The following GOLGA2 variants were observed in gnomAD, a reference collection of about 807,000 sequenced individuals.
GOLGA2 encodes golgin subfamily A member 2.
A neutral mutation model predicts 148.8 loss-of-function variants in GOLGA2; 49 were observed. The ratio of observed to expected loss-of-function variants is 0.33; its 90% CI spans 0.26 to 0.42. GOLGA2 has a LOEUF of 0.42. Ranked by LOEUF, GOLGA2 falls within the 10% of genes least tolerant of loss-of-function variation. The pLI, the probability that GOLGA2 is intolerant of heterozygous loss-of-function variation, is 1.00. For synonymous variants in GOLGA2, 501 were observed against 511.8 expected, an observed-to-expected ratio of 0.98 and a Z score of 0.28; for missense variants, 1,178 against 1,304.6, an observed-to-expected ratio of 0.90 and a Z score of 1.49.
At position 128,261,126 on chromosome 9, in the gene GOLGA2, C is replaced by T. The variant is rs761684812; in HGVS notation, c.1420+46G>A. The T allele has an allele frequency of 8.3e-6, 11 of 1,318,448 alleles. No homozygotes were observed. In the African/African-American group the frequency reaches 1.6e-4, roughly 19 times the overall value. 81.7% of individuals were successfully genotyped at this position (1,318,448 alleles called of 1,614,324 possible). On this transcript the variant is annotated intron_variant, in intron 17 of 26. Transcript: ENST00000611957. This position sits in a 1 kb window ranked among gnomAD's most constrained non-coding sequence, Gnocchi z 5.7. ...GGGCATTCTAAACCACCCCCACAAC[C>T]CTCTGACACCATTCCTGCTCCCAGG... is the stretch of plus-strand genomic sequence containing the variant.
rs767386561 is a variant in GOLGA2, at chr9:128,259,255, T to C, written c.2009A>G (p.Gln670Arg). The C allele has an allele frequency of 6.2e-7, 1 of 1,607,804 alleles. No homozygotes were observed. Among genetic ancestry groups the C allele is most frequent in the Non-Finnish European group, 8.5e-7 (1 of 1,177,256 alleles). Residue 670 changes from glutamine (Q) to arginine (R), a missense_variant, in exon 20 of 27, where the codon CAG (glutamine) becomes CGG (arginine). Coordinates refer to ENST00000611957, the MANE Select transcript of GOLGA2 (RefSeq NM_001366244.2). ...KEVLHNQLLLQTQLVDQLQQQ... is the reference protein window; with the variant it reads ...KEVLHNQLLLRTQLVDQLQQQ... Reference sequence around the variant, plus strand: ...CTGCAGCTGGTCCACGAGCTGGGTCTGCAGCAGTAGCTGATTATGCAGCAC... The same window carrying C: ...CTGCAGCTGGTCCACGAGCTGGGTCCGCAGCAGTAGCTGATTATGCAGCAC...
At chr9:128,275,536 G>A in intron 1 of GOLGA2, 7 of 1,265,304 alleles carry the variant, frequency 5.5e-6, no homozygotes, top group East Asian at 3.2e-5. Flanking sequence ...CGGGAGTCAC[G>A]GGCCCAAAGT....
At position 128,257,754 on chromosome 9, in the gene GOLGA2, G is replaced by T; in HGVS notation, c.2611+36C>A. 2.5e-6 allele frequency: 4 copies of T among 1,608,786 alleles called. No homozygotes were observed. Among genetic ancestry groups the T allele is most frequent in the Non-Finnish European group, 2.6e-6 (3 of 1,175,300 alleles). ...ATGCTGGGTTCCCTCCGACCGCTGT[G>T]CAGCTCCTCCTGCCGTGCCCTGGCC... On this transcript the variant is annotated intron_variant, in intron 24 of 26. Transcript: ENST00000611957. This position sits in a 1 kb window ranked among gnomAD's most constrained non-coding sequence, Gnocchi z 8.0.
rs2131367349 is a variant in GOLGA2 at position 128,266,646 on chromosome 9, C to G, written c.643-321G>C. On this transcript the variant is annotated intron_variant, in intron 8 of 26. Transcript: ENST00000611957. The surrounding 1 kb of genome is among the most constrained non-coding windows in gnomAD (Gnocchi z 4.2). ...GATTTAGAAAGGTGTAATCATTCAA[C>G]AAACATTTGCTGAGCACACACAGGC... The G allele has an allele frequency of 4.2e-6, 2 of 478,372 alleles. No individual in the cohort carries two copies. The highest frequency in any genetic ancestry group is 7.5e-6 in the Non-Finnish European group (2 of 267,002). 29.6% of individuals were successfully genotyped at this position (478,372 alleles called of 1,614,324 possible).
intron 12 of GOLGA2, among the ~76,000 whole-genome samples, chr9:128,264,082 A>G (rs62587123): frequency 0.066 from 9,904 of 149,848 alleles, 469 homozygotes; most frequent in East Asian, 0.23. Flanking sequence ...GGAGAATGGC[A>G]TGAACCCGGG....
chr9:128,265,730 C>T, intron 11 of GOLGA2, 39 bp from the exon 12 acceptor site: 3 of 1,609,984 alleles, frequency 1.9e-6, no homozygotes, highest in African/African-American at 1.3e-5. Context: ...CAAAGGACTC[C>T]CCCTAAAGGC....
Position 128,262,714 on chromosome 9 carries a change from G to A in GOLGA2, c.993-10C>T. 1 of 1,609,982 alleles carries A rather than the reference G, an allele frequency of 6.2e-7. No homozygotes were observed. Among genetic ancestry groups the A allele is most frequent in the Non-Finnish European group, 8.5e-7 (1 of 1,178,222 alleles). On this transcript the variant is annotated splice_polypyrimidine_tract_variant and intron_variant, in intron 13 of 26. Coordinates refer to ENST00000611957, the MANE Select transcript of GOLGA2 (RefSeq NM_001366244.2). ...GTCCTCATTGCTTTGGCTATGGCCA[G>A]AGGCAGTAGAGAAAGGAATGAACGA...
chr9:128,261,976 G>C lies in GOLGA2; in HGVS notation c.1135-219C>G. 7.5e-6 allele frequency: 4 copies of C among 533,528 alleles called. No homozygotes were observed. Among genetic ancestry groups the C allele is most frequent in the Non-Finnish European group, 1.3e-5 (4 of 299,434 alleles). The allele number at this position is 533,528 out of a possible 1,614,324, so 33.0% of individuals were successfully genotyped here. A position where few individuals can be genotyped will look rare whatever the true frequency, so the allele number is the denominator to read the frequency against. Reference sequence around the variant, plus strand: ...CTCAACACTTTGGGAGGCTGAGGTGGGTGGATTGCTTGAGCTCAGGAGTTC... The same window carrying C: ...CTCAACACTTTGGGAGGCTGAGGTGCGTGGATTGCTTGAGCTCAGGAGTTC... On this transcript the variant is annotated intron_variant, in intron 14 of 26. Transcript: ENST00000611957. This position sits in a 1 kb window ranked among gnomAD's most constrained non-coding sequence, Gnocchi z 5.7.
intron 14 of GOLGA2, among the ~76,000 whole-genome samples, chr9:128,262,212 T>C (rs1399387874): frequency 2.7e-5 from 4 of 150,566 alleles, no homozygotes; most frequent in Non-Finnish European, 4.4e-5. Flanking sequence ...AGATCTCTAC[T>C]CTCTATTATT....
In GOLGA2 at chr9:128,266,982, C is replaced by T; in HGVS notation, c.642+212G>A. Reference sequence around the variant, plus strand: ...GTGGCAAGGACTCGAGCAGGGGTGTCTAGAGAAGAGAGAGTAGGCAAAGAG... The same window carrying T: ...GTGGCAAGGACTCGAGCAGGGGTGTTTAGAGAAGAGAGAGTAGGCAAAGAG... On this transcript the variant is annotated intron_variant, in intron 8 of 26. Coordinates refer to ENST00000611957, the MANE Select transcript of GOLGA2 (RefSeq NM_001366244.2). The surrounding 1 kb of genome is among the most constrained non-coding windows in gnomAD (Gnocchi z 4.2). 1 of 620,098 alleles carries T rather than the reference C, an allele frequency of 1.6e-6. No individual in the cohort carries two copies. The allele number at this position is 620,098 out of a possible 1,614,324, so 38.4% of individuals were successfully genotyped here. A position where few individuals can be genotyped will look rare whatever the true frequency, so the allele number is the denominator to read the frequency against.
In GOLGA2 at chr9:128,275,411, G is replaced by A. The variant is rs543897369; in HGVS notation, c.84+482C>T. 44 of 1,294,488 alleles carry A rather than the reference G, an allele frequency of 3.4e-5. 2 individuals carry two copies. In the South Asian group the frequency reaches 1.2e-3, roughly 35 times the overall value. 80.2% of individuals were successfully genotyped at this position (1,294,488 alleles called of 1,614,324 possible). A position where few individuals can be genotyped will look rare whatever the true frequency, so the allele number is the denominator to read the frequency against. The stretch of plus-strand genomic sequence containing the variant: ...ACGTCCAAGTCGCCGCTCCGCGATG[G>A]GGGAGGGGACCGCAGGGCCAGGACC... On this transcript the variant is annotated intron_variant, in intron 1 of 26. Coordinates refer to ENST00000611957, the MANE Select transcript of GOLGA2 (RefSeq NM_001366244.2).
At position 128,261,026 on chromosome 9, in the gene GOLGA2, T is replaced by C. The variant is rs952300732; in HGVS notation, c.1420+146A>G. 2.8e-6 allele frequency: 2 copies of C among 717,460 alleles called. No homozygotes were observed. The highest frequency in any genetic ancestry group is 1.6e-5 in the South Asian group (1 of 60,838). 44.4% of individuals were successfully genotyped at this position (717,460 alleles called of 1,614,324 possible). On this transcript the variant is annotated intron_variant, in intron 17 of 26. Transcript: ENST00000611957. This position sits in a 1 kb window ranked among gnomAD's most constrained non-coding sequence, Gnocchi z 5.7. Reference sequence around the variant, plus strand: ...GATGGGGCACTGAGGCTCATGGAGATGACGAGACTTGCCATCTCCTGGCAC... The same window carrying C: ...GATGGGGCACTGAGGCTCATGGAGACGACGAGACTTGCCATCTCCTGGCAC...
chr9:128,267,180 C>T lies in GOLGA2; in HGVS notation c.642+14G>A. On this transcript the variant is annotated intron_variant, in intron 8 of 26. Coordinates refer to ENST00000611957, the MANE Select transcript of GOLGA2 (RefSeq NM_001366244.2). Reference sequence around the variant, plus strand: ...TTAGCAGCATGGAATCAGGGGACCCCACTGGACTCTTACCAATTTCTCTAT... The same window carrying T: ...TTAGCAGCATGGAATCAGGGGACCCTACTGGACTCTTACCAATTTCTCTAT... The T allele has an allele frequency of 6.8e-7, 1 of 1,474,748 alleles. No homozygotes were observed. The highest frequency in any genetic ancestry group is 9.5e-7 in the Non-Finnish European group (1 of 1,052,956). 91.4% of individuals were successfully genotyped at this position (1,474,748 alleles called of 1,614,324 possible).
In GOLGA2 at chr9:128,257,613, C is replaced by T; in HGVS notation, c.2706G>A (p.Lys902=). 1.9e-6 allele frequency: 3 copies of T among 1,614,174 alleles called. No individual in the cohort carries two copies. The highest frequency in any genetic ancestry group is 2.5e-6 in the Non-Finnish European group (3 of 1,180,004). The change falls in exon 25 of 27, where the codon AAG becomes AAA. Residue 902 remains lysine (K), a synonymous_variant. Transcript: ENST00000611957. The surrounding 1 kb of genome is among the most constrained non-coding windows in gnomAD (Gnocchi z 8.0). ...TTCCACACCCTACCTTCATCTCCTC[C>T]TTGTCTTGGGCCAGCCTGCTGATGT... ...EEYISRLAQD[K]EEMKVKLLEL... is the part of the protein sequence containing the mutation.
chr9:128,268,610 A>ACAGGTG lies in GOLGA2; in HGVS notation c.289-92_289-87dup, dbSNP rs1830747945. On this transcript the variant is annotated intron_variant, in intron 3 of 26. Coordinates refer to ENST00000611957, the MANE Select transcript of GOLGA2 (RefSeq NM_001366244.2). ...AACACAAGGGTGTGGAACAGGTAGG[A>ACAGGTG]CAGGTGTTGCTGCAGTCAGAGTGAC... The ACAGGTG allele has an allele frequency of 5.6e-6, 4 of 719,622 alleles. No individual in the cohort carries two copies. In the South Asian group the frequency reaches 6.1e-5, roughly 11 times the overall value. 44.6% of individuals were successfully genotyped at this position (719,622 alleles called of 1,614,324 possible). A position where few individuals can be genotyped will look rare whatever the true frequency, so the allele number is the denominator to read the frequency against.
In GOLGA2 at chr9:128,267,666, G is replaced by T. The variant is rs1392326084; in HGVS notation, c.502-149C>A. 42 of 694,404 alleles carry T rather than the reference G, an allele frequency of 6.0e-5. No individual in the cohort carries two copies. In the East Asian group the frequency reaches 1.1e-3, roughly 19 times the overall value. 43.0% of individuals were successfully genotyped at this position (694,404 alleles called of 1,614,324 possible). A position where few individuals can be genotyped will look rare whatever the true frequency, so the allele number is the denominator to read the frequency against. On this transcript the variant is annotated intron_variant, in intron 6 of 26. Coordinates refer to ENST00000611957, the MANE Select transcript of GOLGA2 (RefSeq NM_001366244.2). ...CCCCTTTGTGCCAACTTCTCTCATG[G>T]TTCTTATTTCCCCACCATCCTTTCC... is the stretch of plus-strand genomic sequence containing the variant.
chr9:128,270,974 G>C (rs1830907319), intron 3 of GOLGA2, among the ~76,000 whole-genome samples: 2 of 152,068 alleles, frequency 1.3e-5, no homozygotes, highest in African/African-American at 4.8e-5. Context: ...ACTTGAACCC[G>C]GGAGGGGGAG....
At position 128,263,019 on chromosome 9, in the gene GOLGA2, C is replaced by T; in HGVS notation, c.992+15G>A. Reference sequence around the variant, plus strand: ...AGGGCCCCCAGACCTCCCATCCCACCATCCCCCATCCTACGTGTTCTTGTA... The same window carrying T: ...AGGGCCCCCAGACCTCCCATCCCACTATCCCCCATCCTACGTGTTCTTGTA... On this transcript the variant is annotated intron_variant, in intron 13 of 26. Transcript: ENST00000611957. The T allele has an allele frequency of 6.3e-7, 1 of 1,588,948 alleles. No homozygotes were observed. The highest frequency in any genetic ancestry group is 1.7e-4 in the Middle Eastern group (1 of 6,010).
At chr9:128,267,374 C>T (rs1333994791) in intron 7 of GOLGA2, 84 bp downstream of exon 7, 1 of 1,445,326 alleles carries the variant, frequency 6.9e-7, no homozygotes, top group Non-Finnish European at 9.7e-7. Context: ...TCTCAGCTGG[C>T]AGAGGGGCAC....
Sources: gnomAD v4.1 joint callset for allele counts (sites outside exome capture counted in the v4.1 genomes callset) on GRCh38, gnomAD v4.1.1 for gene constraint, Gnocchi (gnomAD v3.1) non-coding constraint, MANE v1.5 for transcripts, NCBI Gene and HGNC (gene_info 2026-07-23, HGNC 2026-07-21) for gene names.